EFCAB5: variants seen among roughly 807,000 people sequenced by gnomAD.
EFCAB5 encodes EF-hand calcium binding domain 5.
A neutral mutation model predicts 167.9 loss-of-function variants in EFCAB5; 131 were observed. The observed-to-expected ratio is 0.78, with a 90% CI of 0.68 to 0.90. EFCAB5 has a LOEUF of 0.90. EFCAB5 is among the 40% of genes least tolerant of loss of function. The probability of loss-of-function intolerance (pLI) is 0.00; values close to 1 mark genes in which losing one functional copy is unlikely to be tolerated. For missense variants in EFCAB5, 1,663 were observed against 1,745.2 expected (o/e 0.95, Z 0.84); for synonymous variants, 574 against 602.8 (o/e 0.95, Z 0.70).
At chr17:30,011,118 T>C (rs1045074584) in intron 7 of EFCAB5, among the ~76,000 whole-genome samples, 1 of 152,132 alleles carries the variant, frequency 6.6e-6, no homozygotes, top group African/African-American at 2.4e-5. Flanking sequence ...GATATGTGGA[T>C]GTGTGGTGTT....
intron 8 of EFCAB5, among the ~76,000 whole-genome samples, chr17:30,034,983 A>C (rs2069578770): frequency 1.3e-5 from 2 of 152,240 alleles, no homozygotes; most frequent in Non-Finnish European, 2.9e-5. Flanking sequence ...GTAATAAATT[A>C]AACAATGACT....
intron 4 of EFCAB5, among the ~76,000 whole-genome samples, chr17:29,973,635 A>G (rs1285607972): frequency 6.6e-6 from 1 of 150,634 alleles, no homozygotes; most frequent in African/African-American, 2.4e-5. Flanking sequence ...CCGCCACTAC[A>G]CCCTGCTAAT....
At chr17:30,070,173 T>C (rs562643913) in intron 14 of EFCAB5, among the ~76,000 whole-genome samples, 51 of 152,106 alleles carry the variant, frequency 3.4e-4, no homozygotes, top group African/African-American at 1.1e-3. Flanking sequence ...CACTGGATTA[T>C]AGAAAAGAAA....
chr17:30,092,860 C>A lies in EFCAB5; in HGVS notation c.4245C>A (p.Val1415=). 1.2e-6 allele frequency: 2 copies of A among 1,610,520 alleles called. No individual in the cohort carries two copies. The highest frequency in any genetic ancestry group is 2.2e-5 in the South Asian group (2 of 90,494). ...KCKFYVNKYL[V]NNICAFDPTA... ...CACAGTATGTTAACAAATATTTAGT[C>A]AACAATATTTGTGCCTTTGATCCAA... Residue 1415 remains valine (V), a synonymous_variant, in exon 22 of 23, where the codon GTC becomes GTA. Transcript: ENST00000394835.
intron 5 of EFCAB5, among the ~76,000 whole-genome samples, chr17:29,994,132 A>AAC (rs2068484167): frequency 5.6e-5 from 4 of 71,480 alleles, no homozygotes; most frequent in African/African-American, 2.5e-4. Flanking sequence ...CAACAACAAC[A>AAC]AATATATATA....
chr17:30,022,470 C>T (rs771480044), intron 7 of EFCAB5, among the ~76,000 whole-genome samples: 15 of 151,962 alleles, frequency 9.9e-5, no homozygotes, highest in South Asian at 2.1e-4. Context: ...AATGAACAGA[C>T]GGCAATGAAC....
At chr17:30,055,351 AGG>A (rs2151786097) in intron 10 of EFCAB5, among the ~76,000 whole-genome samples, 1 of 151,208 alleles carries the variant, frequency 6.6e-6, no homozygotes, top group African/African-American at 2.4e-5. Flanking sequence ...GAAGGAAGGA[AGG>A]AAGGAAGGAA....
intron 7 of EFCAB5, among the ~76,000 whole-genome samples, chr17:30,021,441 AT>A (rs1324351706): frequency 4.7e-5 from 7 of 147,880 alleles, no homozygotes; most frequent in African/African-American, 1.5e-4. Context: ...TGTTTATTAA[AT>A]ATTTATATAT....
At chr17:29,998,327 C>A (rs371657632) in intron 6 of EFCAB5, among the ~76,000 whole-genome samples, 2 of 152,160 alleles carry the variant, frequency 1.3e-5, no homozygotes, top group Admixed American at 1.3e-4. Flanking sequence ...GATAAAATTA[C>A]AGAAATTCCA....
At chr17:30,021,123 A>C (rs980026095) in intron 7 of EFCAB5, among the ~76,000 whole-genome samples, 3 of 150,324 alleles carry the variant, frequency 2.0e-5, no homozygotes, top group Non-Finnish European at 4.4e-5. Flanking sequence ...GTTTGTCTAC[A>C]TGATAGGAAA....
At chr17:29,971,772 A>G (rs1220045018) in intron 4 of EFCAB5, among the ~76,000 whole-genome samples, 1 of 152,228 alleles carries the variant, frequency 6.6e-6, no homozygotes, top group African/African-American at 2.4e-5. Context: ...CTTGTAAGAC[A>G]GAATATTTCT....
At chr17:29,984,469 C>T (rs969474038) in intron 4 of EFCAB5, among the ~76,000 whole-genome samples, 2 of 152,040 alleles carry the variant, frequency 1.3e-5, no homozygotes, top group South Asian at 2.1e-4. Context: ...CCTGTAATCC[C>T]AGCACTTTGG....
chr17:30,094,518 A>T (rs2071258585), intron 22 of EFCAB5, among the ~76,000 whole-genome samples: 2 of 148,330 alleles, frequency 1.3e-5, no homozygotes, highest in Admixed American at 6.7e-5. Context: ...AAAAAAAAAA[A>T]AAAAAAAAAA....
chr17:30,022,856 A>G (rs2069215433), intron 7 of EFCAB5, among the ~76,000 whole-genome samples: 2 of 152,250 alleles, frequency 1.3e-5, no homozygotes, highest in Admixed American at 1.3e-4. Context: ...CAATCAAACT[A>G]GAACTCAGGA....
intron 2 of EFCAB5, among the ~76,000 whole-genome samples, chr17:29,942,692 G>A (rs969475992): frequency 2.6e-4 from 40 of 152,108 alleles, no homozygotes; most frequent in African/African-American, 9.7e-4. Flanking sequence ...ATAGAAAAGG[G>A]GAGGCAATTA....
chr17:29,974,504 T>G (rs562376097), intron 4 of EFCAB5, among the ~76,000 whole-genome samples: 1 of 151,152 alleles, frequency 6.6e-6, no homozygotes, highest in Non-Finnish European at 1.5e-5. Context: ...GTCATGCCAC[T>G]GCACTCTATC....
upstream of EFCAB5, among the ~76,000 whole-genome samples, chr17:29,940,168 C>T (rs1376467107): frequency 2.0e-5 from 3 of 151,902 alleles, no homozygotes; most frequent in Admixed American, 6.6e-5. Flanking sequence ...CTCCGCCTCC[C>T]GGGTTCAAGC....
intron 7 of EFCAB5, among the ~76,000 whole-genome samples, chr17:30,002,832 G>A (rs2068691275): frequency 6.6e-6 from 1 of 152,028 alleles, no homozygotes; most frequent in Non-Finnish European, 1.5e-5. Context: ...TAATTTCACT[G>A]GATATAGAAT....
intron 15 of EFCAB5, 79 bp downstream of exon 15, chr17:30,078,583 T>A (rs2070918405): frequency 7.1e-7 from 1 of 1,403,276 alleles, no homozygotes; most frequent in African/African-American, 1.5e-5. Flanking sequence ...AAGAGGAGCA[T>A]CTTGAATTCT....
Sources: gnomAD v4.1 joint callset for allele counts (sites outside exome capture counted in the v4.1 genomes callset) on GRCh38, gnomAD v4.1.1 for gene constraint, MANE v1.5 for transcripts, NCBI Gene and HGNC (gene_info 2026-07-23, HGNC 2026-07-21) for gene names.